Variants in SPAG9 observed in about 807,000 individuals in gnomAD.
SPAG9 encodes the protein C-Jun-amino-terminal kinase-interacting protein 4.
SPAG9 carries 35 observed loss-of-function variants against 166.5 expected under a neutral mutation model. That is an observed-to-expected ratio of 0.21 (90% CI 0.16 to 0.28). The LOEUF is 0.28. Ranked by LOEUF, SPAG9 falls within the 10% of genes least tolerant of loss-of-function variation. The pLI is 1.00. For synonymous variants in SPAG9, 534 were observed against 565.5 expected, an observed-to-expected ratio of 0.94 and a Z score of 0.79; for missense variants, 1,235 against 1,603.3, an observed-to-expected ratio of 0.77 and a Z score of 3.92.
chr17:51,019,707 C>A (rs1232094868), intron 8 of SPAG9, among the ~76,000 whole-genome samples: 2 of 152,024 alleles, frequency 1.3e-5, no homozygotes, highest in East Asian at 1.9e-4. Context: ...ACAAAATAAG[C>A]CAGGCGTGGT....
intron 2 of SPAG9, among the ~76,000 whole-genome samples, chr17:51,069,310 TC>T (rs1162519705): frequency 1.3e-5 from 2 of 152,050 alleles, no homozygotes; most frequent in African/African-American, 4.8e-5. Flanking sequence ...GGAAAAAGTG[TC>T]CTATTACAGT....
In SPAG9 at chr17:51,120,259, G is replaced by A. The variant is rs1048334440; in HGVS notation, c.303+95C>T. The A allele has an allele frequency of 2.7e-6, 3 of 1,117,072 alleles. No individual in the cohort carries two copies. The highest frequency in any genetic ancestry group is 5.7e-5 in the East Asian group (2 of 34,806). 69.2% of individuals were successfully genotyped at this position (1,117,072 alleles called of 1,614,324 possible). A position where few individuals can be genotyped will look rare whatever the true frequency, so the allele number is the denominator to read the frequency against. ...CGGCCTCAGGCCCGCCCTCCAGGAG[G>A]CCCGTCGCGCCTCTAGTCCCCGACC... On this transcript the variant is annotated intron_variant, in intron 1 of 29. Coordinates refer to ENST00000262013, the MANE Select transcript of SPAG9 (RefSeq NM_001130528.3). This position sits in a 1 kb window ranked among gnomAD's most constrained non-coding sequence, Gnocchi z 4.7.
intron 1 of SPAG9, among the ~76,000 whole-genome samples, chr17:51,098,866 C>T (rs984247621): frequency 2.6e-5 from 4 of 151,588 alleles, no homozygotes; most frequent in African/African-American, 9.7e-5. Context: ...ATTTGGGAGG[C>T]CAAGGCGGGC....
chr17:50,981,390 G>GTGGA (rs529102170), intron 25 of SPAG9, among the ~76,000 whole-genome samples: 21,861 of 150,064 alleles, frequency 0.15, 1,611 homozygotes, highest in Non-Finnish European at 0.16. Flanking sequence ...CAACCTGTGT[G>GTGGA]TGGATGGATG....
intron 19 of SPAG9, chr17:50,990,874 G>C: frequency 4.1e-6 from 2 of 487,574 alleles, no homozygotes; most frequent in Non-Finnish European, 7.3e-6. Flanking sequence ...ATTAACACAA[G>C]TGCAAATAAA....
chr17:51,027,734 C>T (rs1214634230), intron 6 of SPAG9, among the ~76,000 whole-genome samples: 1 of 152,152 alleles, frequency 6.6e-6, no homozygotes, highest in Non-Finnish European at 1.5e-5. Context: ...CTATACAGTA[C>T]ATAATACTTG....
intron 8 of SPAG9, 38 bp downstream of exon 8, chr17:51,020,121 G>C (rs769312505): frequency 8.1e-7 from 1 of 1,236,366 alleles, no homozygotes; most frequent in South Asian, 1.2e-5. Context: ...TTGGGGGTGG[G>C]GGGCGCAGAA....
intron 5 of SPAG9, among the ~76,000 whole-genome samples, chr17:51,040,019 G>A (rs981129637): frequency 1.3e-5 from 2 of 152,112 alleles, no homozygotes; most frequent in Non-Finnish European, 2.9e-5. Flanking sequence ...TGGATCACCT[G>A]AGGTCAGGAG....
chr17:50,975,392 C>T (rs150954459), intron 27 of SPAG9: 62 of 199,336 alleles, frequency 3.1e-4, no homozygotes, highest in Middle Eastern at 2.1e-3. Flanking sequence ...AGAATATTTC[C>T]CTTGAGGGGG....
intron 9 of SPAG9, among the ~76,000 whole-genome samples, chr17:51,013,837 T>TA (rs1316470288): frequency 2.0e-5 from 3 of 152,156 alleles, no homozygotes; most frequent in African/African-American, 7.2e-5. Context: ...GTCAACAGAA[T>TA]ATAATGAAAT....
At chr17:51,103,783 G>T (rs2048868367) in intron 1 of SPAG9, among the ~76,000 whole-genome samples, 1 of 152,140 alleles carries the variant, frequency 6.6e-6, no homozygotes, top group Admixed American at 6.6e-5. Context: ...TTGGAGAGAT[G>T]GGCGGTTTAT....
intron 1 of SPAG9, among the ~76,000 whole-genome samples, chr17:51,090,348 C>T (rs1264866610): frequency 6.6e-6 from 1 of 151,980 alleles, no homozygotes; most frequent in African/African-American, 2.4e-5. Context: ...TGGCAAAACC[C>T]CATCTCTACT....
intron 26 of SPAG9, among the ~76,000 whole-genome samples, chr17:50,979,391 A>G (rs1214770110): frequency 6.6e-6 from 1 of 151,612 alleles, no homozygotes; most frequent in African/African-American, 2.4e-5. Flanking sequence ...AAAAAAAAAA[A>G]AAAAAAAGAG....
chr17:51,095,157 C>T (rs545095352), intron 1 of SPAG9, among the ~76,000 whole-genome samples: 12 of 151,464 alleles, frequency 7.9e-5, no homozygotes, highest in Non-Finnish European at 1.3e-4. Flanking sequence ...ATTAGCCGGG[C>T]GTGGTGGCGG....
intron 27 of SPAG9, chr17:50,975,751 C>T: frequency 2.6e-6 from 2 of 774,146 alleles, no homozygotes; most frequent in Non-Finnish European, 4.2e-6. Context: ...GCAGTGACTG[C>T]AAGTGGATAA....
chr17:50,974,496 A>G (rs1203114952), intron 28 of SPAG9, among the ~76,000 whole-genome samples: 1 of 152,244 alleles, frequency 6.6e-6, no homozygotes, highest in African/African-American at 2.4e-5. Context: ...GCAATCCACG[A>G]TGATAAAATA....
chr17:51,012,861 C>T (rs1008450700), intron 9 of SPAG9, among the ~76,000 whole-genome samples: 1 of 151,558 alleles, frequency 6.6e-6, no homozygotes, highest in East Asian at 2.0e-4. Context: ...CATCCTCACA[C>T]CTCAGCCTCC....
intron 6 of SPAG9, among the ~76,000 whole-genome samples, chr17:51,024,577 G>A (rs1364375699): frequency 6.6e-6 from 1 of 151,904 alleles, no homozygotes; most frequent in Non-Finnish European, 1.5e-5. Flanking sequence ...GCCGGGCGTG[G>A]CGGCACACGT....
chr17:51,074,991 G>A (rs1401707183), intron 2 of SPAG9, among the ~76,000 whole-genome samples: 2 of 151,946 alleles, frequency 1.3e-5, no homozygotes, highest in Non-Finnish European at 2.9e-5. Flanking sequence ...GAGGTCAGGA[G>A]TTCAAGACCA....
Sources: gnomAD v4.1 joint callset for allele counts (sites outside exome capture counted in the v4.1 genomes callset) on GRCh38, gnomAD v4.1.1 for gene constraint, Gnocchi (gnomAD v3.1) non-coding constraint, MANE v1.5 for transcripts, NCBI Gene and HGNC (gene_info 2026-07-23, HGNC 2026-07-21) for gene names.